MRPS5: variants seen among roughly 807,000 people sequenced by gnomAD.
MRPS5 encodes the protein mitochondrial ribosomal protein S5, also known as small ribosomal subunit protein uS5m.
MRPS5 carries 27 observed loss-of-function variants against 51.9 expected under a neutral mutation model. The observed-to-expected ratio is 0.52, with a 90% CI of 0.38 to 0.72. The LOEUF (loss-of-function observed/expected upper bound fraction) is 0.72, where lower values mean the gene tolerates loss of function less well. MRPS5 is among the 30% of genes least tolerant of loss of function. The probability of loss-of-function intolerance (pLI) is 0.00; values close to 1 mark genes in which losing one functional copy is unlikely to be tolerated. For synonymous variants in MRPS5, 196 were observed against 193.2 expected (o/e 1.01, Z -0.12); for missense variants, 570 against 545.7 (o/e 1.04, Z -0.44).
At chr2:95,105,595 G>A (rs1675927299) in intron 6 of MRPS5, among the ~76,000 whole-genome samples, 1 of 151,826 alleles carries the variant, frequency 6.6e-6, no homozygotes, top group African/African-American at 2.4e-5. Context: ...AACTGCTTAC[G>A]TGGCAGCTGG....
chr2:95,098,354 C>T (rs939677827), intron 10 of MRPS5, among the ~76,000 whole-genome samples: 2 of 152,256 alleles, frequency 1.3e-5, no homozygotes, highest in Middle Eastern at 3.4e-3. Flanking sequence ...ATACCCAAAG[C>T]ATTATAAATC....
At chr2:95,118,933 T>C (rs1676365251) in intron 1 of MRPS5, among the ~76,000 whole-genome samples, 1 of 152,132 alleles carries the variant, frequency 6.6e-6, no homozygotes, top group African/African-American at 2.4e-5. Context: ...TGACCTTGGA[T>C]TTTGCAATGG....
Position 95,086,600 on chromosome 2 carries a change from TG to T in MRPS5, c.*756del, listed in dbSNP as rs1675296251. On this transcript the variant is annotated 3_prime_UTR_variant, in exon 12 of 12. Coordinates refer to ENST00000272418, the MANE Select transcript of MRPS5 (RefSeq NM_031902.5). ...GGTCATCAGTGTCCCAGAAAGAGGA[TG>T]TGGGTGGGGCAGAAAGAGTATGCAA... Among the ~76,000 whole-genome samples the T allele has an allele frequency of 6.6e-6, 1 of 152,034 alleles. No individual in the cohort carries two copies. Among genetic ancestry groups the T allele is most frequent in the South Asian group, 2.1e-4 (1 of 4,820 alleles).
intron 4 of MRPS5, 90 bp from the exon 5 acceptor site, chr2:95,108,498 T>C (rs1676019401): frequency 1.9e-6 from 2 of 1,040,970 alleles, no homozygotes; most frequent in Non-Finnish European, 2.8e-6. Flanking sequence ...CAGATAATGA[T>C]GACACACTGT....
rs1018040887 is a variant in MRPS5, at chr2:95,119,880, T to C, written c.58+1854A>G. Among the ~76,000 whole-genome samples, 3 of 152,052 alleles carry C rather than the reference T, an allele frequency of 2.0e-5. No homozygotes were observed. In the East Asian group the frequency reaches 5.8e-4, roughly 29 times the overall value. On this transcript the variant is annotated intron_variant, in intron 1 of 11. Coordinates refer to ENST00000272418, the MANE Select transcript of MRPS5 (RefSeq NM_031902.5). ...GAGTTAGAGACCAGCCTCGGCAACA[T>C]AGTGAGACCCACTCTACAAAAAATA...
At position 95,087,194 on chromosome 2, in the gene MRPS5, T is replaced by C. The variant is rs1223069085; in HGVS notation, c.*163A>G. 1.7e-6 allele frequency: 1 copy of C among 590,086 alleles called. No homozygotes were observed. The highest frequency in any genetic ancestry group is 3.0e-6 in the Non-Finnish European group (1 of 336,298). The allele number at this position is 590,086 out of a possible 1,614,324, so 36.6% of individuals were successfully genotyped here. On this transcript the variant is annotated 3_prime_UTR_variant, in exon 12 of 12. Coordinates refer to ENST00000272418, the MANE Select transcript of MRPS5 (RefSeq NM_031902.5). ...GGTTCTATCACATTGGCATATAACA[T>C]GTGCTCAACAAATGAAAGCTATAAT...
chr2:95,087,296 G>C lies in MRPS5; in HGVS notation c.*61C>G, dbSNP rs1675318927. 2 of 1,332,962 alleles carry C rather than the reference G, an allele frequency of 1.5e-6. No homozygotes were observed. The highest frequency in any genetic ancestry group is 2.1e-6 in the Non-Finnish European group (2 of 942,704). The allele number at this position is 1,332,962 out of a possible 1,614,324, so 82.6% of individuals were successfully genotyped here. On this transcript the variant is annotated 3_prime_UTR_variant, in exon 12 of 12. Coordinates refer to ENST00000272418, the MANE Select transcript of MRPS5 (RefSeq NM_031902.5). Reference sequence around the variant, plus strand: ...GGCAAGGTAACATCCCAAGCTGTGAGGGGCTGAGTCTCTCCTAGGTGCAGG... The same window carrying C: ...GGCAAGGTAACATCCCAAGCTGTGACGGGCTGAGTCTCTCCTAGGTGCAGG...
intron 3 of MRPS5, among the ~76,000 whole-genome samples, chr2:95,112,984 G>A (rs1283041695): frequency 2.6e-5 from 4 of 151,146 alleles, no homozygotes; most frequent in Non-Finnish European, 4.4e-5. Flanking sequence ...CAGCCTGGGC[G>A]ACAGAGGGAG....
chr2:95,097,381 G>A lies in MRPS5; in HGVS notation c.931+3093C>T, dbSNP rs181192090. Among the ~76,000 whole-genome samples, 278 of 152,244 alleles carry A rather than the reference G, an allele frequency of 1.8e-3. 2 individuals carry two copies. Among genetic ancestry groups the A allele is most frequent in the African/African-American group, 6.4e-3 (267 of 41,550 alleles). On this transcript the variant is annotated intron_variant, in intron 10 of 11. Transcript: ENST00000272418. ...AGCATATGGAACCAAAAAAGAGCCC[G>A]CATTGCCAAGACAATCCTAAGCCAA...
At position 95,121,681 on chromosome 2, in the gene MRPS5, C is replaced by T. The variant is rs570367883; in HGVS notation, c.58+53G>A. ...CCGACTTCTGCAGGCCCCAGGCGAG[C>T]CCCCCACTCCCGGCCCGCTCAGAGC... On this transcript the variant is annotated intron_variant, in intron 1 of 11. Transcript: ENST00000272418. The T allele has an allele frequency of 2.5e-5, 38 of 1,509,248 alleles. No homozygotes were observed. The Admixed American group carries it at 7.0e-4, about 28-fold the overall frequency. The allele number at this position is 1,509,248 out of a possible 1,614,324, so 93.5% of individuals were successfully genotyped here. A position where few individuals can be genotyped will look rare whatever the true frequency, so the allele number is the denominator to read the frequency against.
chr2:95,111,364 GGAGGCATACTAA>G (rs2104421897), intron 3 of MRPS5, among the ~76,000 whole-genome samples: 1 of 152,280 alleles, frequency 6.6e-6, no homozygotes, highest in South Asian at 2.1e-4. Context: ...CACTTGTAAT[GGAGGCATACTAA>G]GAGGCCAATC....
intron 7 of MRPS5, among the ~76,000 whole-genome samples, chr2:95,103,165 A>C (rs1675852082): frequency 6.6e-6 from 1 of 152,252 alleles, no homozygotes; most frequent in African/African-American, 2.4e-5. Flanking sequence ...CACAGAGCTT[A>C]AAACTTCTGT....
chr2:95,097,358 C>A (rs779396868), intron 10 of MRPS5, among the ~76,000 whole-genome samples: 14 of 152,140 alleles, frequency 9.2e-5, no homozygotes, highest in Non-Finnish European at 1.3e-4. Flanking sequence ...GCATATGGAG[C>A]ATATGGAACC....
intron 3 of MRPS5, among the ~76,000 whole-genome samples, chr2:95,112,905 T>C (rs1676165684): frequency 6.6e-6 from 1 of 151,554 alleles, no homozygotes; most frequent in Non-Finnish European, 1.5e-5. Context: ...CTTGGGAGGC[T>C]GAGGCGGGAG....
rs762824431 is a variant in MRPS5, at chr2:95,100,871, A to T, written c.834T>A (p.His278Gln). ...FRKAKNRAVH[H>Q]LHYIERYEDH... ...CTTCATATCGTTCTATATAATGCAA[A>T]TGGTGAACTGCTCTGTTCTTTGCCT... Residue 278 changes from histidine (H) to glutamine (Q), a missense_variant, in exon 9 of 12, where the codon CAT (histidine) becomes CAA (glutamine). Physicochemically the swap from His to Gln is conservative, Grantham distance 24. Transcript: ENST00000272418. The T allele has an allele frequency of 6.2e-7, 1 of 1,609,364 alleles. No individual in the cohort carries two copies. Among genetic ancestry groups the T allele is most frequent in the South Asian group, 1.1e-5 (1 of 89,944 alleles).
At position 95,120,835 on chromosome 2, in the gene MRPS5, G is replaced by A. The variant is rs147228806; in HGVS notation, c.58+899C>T. On this transcript the variant is annotated intron_variant, in intron 1 of 11. Coordinates refer to ENST00000272418, the MANE Select transcript of MRPS5 (RefSeq NM_031902.5). ...TTTGAACAGGACCTTGAAAAAGCAG[G>A]AGACGGCCGGGCGTGGTGGCTCACA... Among the ~76,000 whole-genome samples the A allele has an allele frequency of 2.3e-4, 35 of 152,192 alleles. 1 individual carries two copies. The East Asian group carries it at 4.1e-3, about 18-fold the overall frequency.
intron 5 of MRPS5, chr2:95,106,670 T>C (rs1675959822): frequency 3.4e-6 from 2 of 583,186 alleles, no homozygotes; most frequent in African/African-American, 3.7e-5. Flanking sequence ...TCTCCCCACC[T>C]GCACCCTCCT....
Position 95,087,454 on chromosome 2 carries a change from T to C in MRPS5, c.1196A>G (p.Asp399Gly), listed in dbSNP as rs1675326243. ...GPLRKDPEPE[D>G]EVPDVKLDWE... is the part of the protein sequence containing the mutation. ...GTCCAGTTTGACGTCTGGAACCTCA[T>C]CTTCTGGCTCTGGATCCTTCCTCAA... Residue 399 changes from aspartate to glycine, a missense_variant, in exon 12 of 12, where the codon GAT becomes GGT. Physicochemically the swap from Asp to Gly is moderately conservative, Grantham distance 94. Coordinates refer to ENST00000272418, the MANE Select transcript of MRPS5 (RefSeq NM_031902.5). 1.2e-6 allele frequency: 2 copies of C among 1,614,168 alleles called. No individual in the cohort carries two copies.
chr2:95,091,045 CT>C (rs1675449832), intron 10 of MRPS5: 1 of 153,882 alleles, frequency 6.5e-6, no homozygotes, highest in African/African-American at 2.4e-5. Flanking sequence ...TGGCCCTACC[CT>C]TTTCTGCCTG....
Sources: gnomAD v4.1 joint callset for allele counts (sites outside exome capture counted in the v4.1 genomes callset) on GRCh38, gnomAD v4.1.1 for gene constraint, MANE v1.5 for transcripts, NCBI Gene and HGNC (gene_info 2026-07-23, HGNC 2026-07-21) for gene names.